ATP11A: variants seen among roughly 807,000 people sequenced by gnomAD.
The protein encoded by ATP11A is phospholipid-transporting ATPase IH.
ATP11A carries 81 observed loss-of-function variants against 154.4 expected under a neutral mutation model. That is an observed-to-expected ratio of 0.52 (90% CI 0.44 to 0.63). The LOEUF is 0.63. Ranked by LOEUF, ATP11A falls within the 30% of genes least tolerant of loss-of-function variation. The pLI, the probability that ATP11A is intolerant of heterozygous loss-of-function variation, is 0.00. For synonymous variants in ATP11A, 623 were observed against 585.9 expected (o/e 1.06, Z -0.91); for missense variants, 1,316 against 1,474.3 (o/e 0.89, Z 1.76).
chr13:112,863,189 C>A (rs1448187889), intron 25 of ATP11A, among the ~76,000 whole-genome samples: 1 of 145,158 alleles, frequency 6.9e-6, no homozygotes, highest in Non-Finnish European at 1.5e-5. Flanking sequence ...CCATCACCAC[C>A]TGCACAGTAA....
intron 1 of ATP11A, among the ~76,000 whole-genome samples, chr13:112,782,532 G>C (rs1403332926): frequency 6.6e-6 from 1 of 152,248 alleles, no homozygotes; most frequent in Non-Finnish European, 1.5e-5. Context: ...AAACAAAGGA[G>C]CCAGGGACTT....
chr13:112,821,483 T>C (rs1043071862), intron 8 of ATP11A, among the ~76,000 whole-genome samples: 2 of 152,062 alleles, frequency 1.3e-5, no homozygotes, highest in African/African-American at 4.8e-5. Flanking sequence ...CCAGCTAATT[T>C]TTGTATTTAT....
chr13:112,876,639 C>T lies in ATP11A; in HGVS notation c.3327+698C>T, dbSNP rs552031660. ...AATGCAAGTTTTCAAGTTTCATCCC[C>T]GAAATTTCCAATCACTCCTTGAGGT... On this transcript the variant is annotated intron_variant, in intron 28 of 29. Transcript: ENST00000375645. Among the ~76,000 whole-genome samples the T allele has an allele frequency of 4.6e-5, 7 of 152,334 alleles. No individual in the cohort carries two copies. In the South Asian group the frequency reaches 6.2e-4, roughly 14 times the overall value.
chr13:112,786,837 A>G (rs774212313), intron 2 of ATP11A, among the ~76,000 whole-genome samples: 65 of 152,266 alleles, frequency 4.3e-4, no homozygotes, highest in Non-Finnish European at 7.9e-4. Flanking sequence ...CCTGCCGTGT[A>G]AACTTCTGTG....
chr13:112,880,417 C>T (rs1485880471), intron 29 of ATP11A: 1 of 760,332 alleles, frequency 1.3e-6, no homozygotes, highest in Non-Finnish European at 1.8e-6. Flanking sequence ...CATGACACCC[C>T]ATGCAGACTC....
chr13:112,719,643 AACTTCAGGTTACTTCAGGTT>A (rs60414272), intron 1 of ATP11A, among the ~76,000 whole-genome samples: 6 of 151,962 alleles, frequency 3.9e-5, no homozygotes, highest in Non-Finnish European at 7.4e-5. Flanking sequence ...GCTGATGGTG[AACTTCAGGTTACTTCAGGTT>A]ACTTCAGGTT....
At chr13:112,818,242 G>A (rs572167513) in intron 6 of ATP11A, among the ~76,000 whole-genome samples, 51 of 150,418 alleles carry the variant, frequency 3.4e-4, no homozygotes, top group African/African-American at 1.1e-3. Context: ...GGCGGTGACC[G>A]TTGGTGCGCT....
At chr13:112,805,607 G>A (rs1388710333) in intron 3 of ATP11A, among the ~76,000 whole-genome samples, 1 of 151,350 alleles carries the variant, frequency 6.6e-6, no homozygotes, top group African/African-American at 2.4e-5. Context: ...TCCCAGGAGT[G>A]GGAGGTTGCA....
At chr13:112,800,425 C>G (rs2140113727) in intron 2 of ATP11A, among the ~76,000 whole-genome samples, 1 of 152,234 alleles carries the variant, frequency 6.6e-6, no homozygotes, top group South Asian at 2.1e-4. Context: ...TTGAAAAACG[C>G]TATCTACCAA....
chr13:112,708,172 G>A (rs895989082), intron 1 of ATP11A, among the ~76,000 whole-genome samples: 3 of 152,068 alleles, frequency 2.0e-5, no homozygotes, highest in Non-Finnish European at 2.9e-5. Context: ...CAGGGAAAAC[G>A]CTTCCACAAC....
chr13:112,718,911 C>G (rs1594404675), intron 1 of ATP11A, among the ~76,000 whole-genome samples: 1 of 152,140 alleles, frequency 6.6e-6, no homozygotes, highest in Non-Finnish European at 1.5e-5. Flanking sequence ...AACGTCTGAC[C>G]TCCGGCTATC....
At chr13:112,749,826 T>C (rs1334420224) in intron 1 of ATP11A, among the ~76,000 whole-genome samples, 2 of 119,316 alleles carry the variant, frequency 1.7e-5, no homozygotes, top group Non-Finnish European at 3.4e-5. Flanking sequence ...CTCTCGTGAA[T>C]TTCTGTCTTA....
intron 16 of ATP11A, among the ~76,000 whole-genome samples, chr13:112,837,366 A>C (rs111850818): frequency 0.045 from 6,898 of 152,132 alleles, 268 homozygotes; most frequent in African/African-American, 0.1. Flanking sequence ...CCTCTCCCGG[A>C]CCTCAGCCCC....
Position 112,882,040 on chromosome 13 carries a change from G to C in ATP11A, c.*174G>C. 1 of 1,367,752 alleles carries C rather than the reference G, an allele frequency of 7.3e-7. No homozygotes were observed. Among genetic ancestry groups the C allele is most frequent in the South Asian group, 1.1e-5 (1 of 88,048 alleles). The allele number at this position is 1,367,752 out of a possible 1,614,324, so 84.7% of individuals were successfully genotyped here. ...CCATCCCAAGTCACAGCTGCCCTAG[G>C]TCCCGTGTGGGAATGCTCGTGTGAT... On this transcript the variant is annotated 3_prime_UTR_variant, in exon 30 of 30. Transcript: ENST00000375645. The surrounding 1 kb of genome is among the most constrained non-coding windows in gnomAD (Gnocchi z 5.1).
chr13:112,803,435 G>A (rs898322094), intron 2 of ATP11A, among the ~76,000 whole-genome samples: 3 of 152,324 alleles, frequency 2.0e-5, no homozygotes, highest in Non-Finnish European at 2.9e-5. Flanking sequence ...AATAAGCCCC[G>A]TTGAAGAGAC....
At chr13:112,708,014 A>C in intron 1 of ATP11A, among the ~76,000 whole-genome samples, 1 of 152,226 alleles carries the variant, frequency 6.6e-6, no homozygotes, top group East Asian at 1.9e-4. Context: ...GAAGGGCCCA[A>C]TTCTTCTCCA....
rs1243963741 is a variant in ATP11A at position 112,854,304 on chromosome 13, A to G, written c.2017A>G (p.Ile673Val). 2 of 1,614,022 alleles carry G rather than the reference A, an allele frequency of 1.2e-6. No individual in the cohort carries two copies. Among genetic ancestry groups the G allele is most frequent in the African/African-American group, 2.7e-5 (2 of 74,932 alleles). ...DRLQEKAADT[I>V]EALQKAGIKV... ...GCTGCAGGAGAAAGCTGCAGACACC[A>G]TCGAGGCCCTGCAGAAGGCCGGGAT... is the stretch of plus-strand genomic sequence containing the variant. Residue 673 changes from isoleucine (I) to valine (V), a missense_variant, in exon 19 of 30, where the codon ATC becomes GTC. Transcript: ENST00000375645.
intron 1 of ATP11A, among the ~76,000 whole-genome samples, chr13:112,723,852 T>C (rs892640070): frequency 6.6e-6 from 1 of 152,130 alleles, no homozygotes; most frequent in African/African-American, 2.4e-5. Flanking sequence ...AAAGTGTGCA[T>C]ATCTGGTCCT....
At chr13:112,877,975 C>T (rs537227286) in intron 28 of ATP11A, among the ~76,000 whole-genome samples, 5 of 148,272 alleles carry the variant, frequency 3.4e-5, no homozygotes, top group East Asian at 2.2e-4. Flanking sequence ...AGCTACACAG[C>T]GGGACCTGCA....
Sources: allele counts gnomAD v4.1 joint callset (sites outside exome capture counted in the v4.1 genomes callset), GRCh38; gene constraint gnomAD v4.1.1; non-coding constraint Gnocchi (gnomAD v3.1); transcripts MANE v1.5; gene names NCBI Gene and HGNC (gene_info 2026-07-23, HGNC 2026-07-21).